SAMD4A: variants seen among roughly 807,000 people sequenced by gnomAD.
SAMD4A encodes protein Smaug homolog 1.
A neutral mutation model predicts 81.3 loss-of-function variants in SAMD4A; 33 were observed. That is an observed-to-expected ratio of 0.41 (90% CI 0.31 to 0.54). The LOEUF (loss-of-function observed/expected upper bound fraction) is 0.54, where lower values mean the gene tolerates loss of function less well. Among genes scored for constraint, SAMD4A ranks in the 20% least tolerant of loss-of-function variants. The probability of loss-of-function intolerance (pLI) is 0.37; values close to 1 mark genes in which losing one functional copy is unlikely to be tolerated. For synonymous variants in SAMD4A, 389 were observed against 382.1 expected (o/e 1.02, Z -0.21); for missense variants, 854 against 951.1 (o/e 0.90, Z 1.34).
chr14:54,597,164 G>C (rs1341781358), intron 2 of SAMD4A, among the ~76,000 whole-genome samples: 1 of 151,566 alleles, frequency 6.6e-6, no homozygotes. Context: ...TTCCTATGTG[G>C]GTACAATCTG....
intron 11 of SAMD4A, among the ~76,000 whole-genome samples, chr14:54,780,657 G>T (rs529979255): frequency 6.6e-5 from 10 of 152,258 alleles, no homozygotes; most frequent in African/African-American, 2.2e-4. Flanking sequence ...ACCCAGCTGG[G>T]CCCACAGCCT....
chr14:54,699,728 TA>T (rs2036664578), intron 2 of SAMD4A, among the ~76,000 whole-genome samples: 1 of 152,224 alleles, frequency 6.6e-6, no homozygotes, highest in South Asian at 2.1e-4. Context: ...TAGAATACCA[TA>T]TATGGCTTAT....
chr14:54,727,858 A>G (rs1594866407), intron 3 of SAMD4A, among the ~76,000 whole-genome samples: 1 of 152,342 alleles, frequency 6.6e-6, no homozygotes, highest in East Asian at 1.9e-4. Context: ...CCTAGTTTGT[A>G]TAACAGGTGA....
chr14:54,593,995 A>T (rs540796414), intron 2 of SAMD4A, among the ~76,000 whole-genome samples: 2 of 152,350 alleles, frequency 1.3e-5, no homozygotes, highest in South Asian at 4.1e-4. Context: ...AGACCAGATC[A>T]TATACAGGAA....
chr14:54,621,913 T>G (rs1594744736), intron 2 of SAMD4A, among the ~76,000 whole-genome samples: 1 of 152,164 alleles, frequency 6.6e-6, no homozygotes, highest in African/African-American at 2.4e-5. Context: ...AAACAACTCA[T>G]CTTTTAAAAA....
At chr14:54,707,294 G>A (rs534700604) in intron 3 of SAMD4A, among the ~76,000 whole-genome samples, 8 of 151,970 alleles carry the variant, frequency 5.3e-5, no homozygotes, top group Non-Finnish European at 1.0e-4. Context: ...TGTGGAGACA[G>A]GGTCTCCCTG....
chr14:54,695,604 A>G (rs1017032995), intron 2 of SAMD4A, among the ~76,000 whole-genome samples: 1 of 152,240 alleles, frequency 6.6e-6, no homozygotes, highest in African/African-American at 2.4e-5. Context: ...GAATACCAGT[A>G]GTCTAGGATC....
At chr14:54,746,932 G>A (rs1019816404) in intron 4 of SAMD4A, among the ~76,000 whole-genome samples, 1 of 152,218 alleles carries the variant, frequency 6.6e-6, no homozygotes, top group Non-Finnish European at 1.5e-5. Context: ...AATCAGTGCC[G>A]CTCACTCTGC....
intron 2 of SAMD4A, among the ~76,000 whole-genome samples, chr14:54,677,890 T>A (rs1173148011): frequency 6.6e-6 from 1 of 152,232 alleles, no homozygotes; most frequent in African/African-American, 2.4e-5. Context: ...TCTGAATCCT[T>A]TCTAAATAGC....
intron 2 of SAMD4A, chr14:54,682,091 T>A: frequency 1.0e-6 from 1 of 978,370 alleles, no homozygotes. Flanking sequence ...CTCAGGAATC[T>A]CCGGATCCCT....
intron 2 of SAMD4A, among the ~76,000 whole-genome samples, chr14:54,692,209 A>G (rs1313215327): frequency 6.6e-6 from 1 of 152,238 alleles, no homozygotes; most frequent in East Asian, 1.9e-4. Flanking sequence ...ATGTAAAGAT[A>G]TAGAATGGCT....
intron 2 of SAMD4A, among the ~76,000 whole-genome samples, chr14:54,597,331 A>G (rs1403664712): frequency 4.7e-5 from 7 of 149,362 alleles, no homozygotes; most frequent in Non-Finnish European, 1.0e-4. Context: ...CTGGAGTGCA[A>G]TGGCATGATC....
chr14:54,762,715 A>G (rs1314681980), intron 7 of SAMD4A, among the ~76,000 whole-genome samples: 1 of 152,154 alleles, frequency 6.6e-6, no homozygotes, highest in African/African-American at 2.4e-5. Context: ...TACACAATTC[A>G]AATTAACAAC....
chr14:54,778,098 C>G (rs1219920679), intron 11 of SAMD4A, among the ~76,000 whole-genome samples: 1 of 152,182 alleles, frequency 6.6e-6, no homozygotes, highest in Non-Finnish European at 1.5e-5. Flanking sequence ...TCACCCTGGC[C>G]TCAGTCTCAC....
chr14:54,689,570 GC>G (rs1474152394), intron 2 of SAMD4A: 1 of 152,170 alleles, frequency 6.6e-6, no homozygotes, highest in African/African-American at 2.4e-5. Context: ...AGACAACATG[GC>G]TAGCATCTGT....
rs564634111 is a variant in SAMD4A at position 54,745,958 on chromosome 14, T to C, written c.980-2857T>C. Among the ~76,000 whole-genome samples the C allele has an allele frequency of 2.1e-3, 313 of 152,342 alleles. 3 individuals are homozygous for C. Among genetic ancestry groups the C allele is most frequent in the African/African-American group, 7.0e-3 (289 of 41,574 alleles). On this transcript the variant is annotated intron_variant, in intron 4 of 12. Coordinates refer to ENST00000554335, the MANE Select transcript of SAMD4A (RefSeq NM_015589.6). Reference sequence around the variant, plus strand: ...ATGGGAAGTTACAGTAGGTGGTTCTTAGCATTGCATCCAACAATGTGGCAT... The same window carrying C: ...ATGGGAAGTTACAGTAGGTGGTTCTCAGCATTGCATCCAACAATGTGGCAT...
chr14:54,685,899 G>A (rs1477316926), intron 2 of SAMD4A: 2 of 455,658 alleles, frequency 4.4e-6, no homozygotes, highest in Non-Finnish European at 8.8e-6. Context: ...GAGGGAATTG[G>A]GATGTTAAAT....
chr14:54,792,145 T>C lies in SAMD4A; in HGVS notation c.*3201T>C, dbSNP rs2039269207. The stretch of plus-strand genomic sequence containing the variant: ...AAGACATGAAACATTGCTGCTGATA[T>C]GTTGTTTTTTCACATGCTTTTGAGT... On this transcript the variant is annotated 3_prime_UTR_variant, in exon 13 of 13. Coordinates refer to ENST00000554335, the MANE Select transcript of SAMD4A (RefSeq NM_015589.6). 6.6e-6 allele frequency: 1 copy of C among 152,208 alleles called. No individual in the cohort carries two copies. The highest frequency in any genetic ancestry group is 1.5e-5 in the Non-Finnish European group (1 of 68,038). The allele number at this position is 152,208 out of a possible 1,614,324, so 9.4% of individuals were successfully genotyped here.
intron 12 of SAMD4A, among the ~76,000 whole-genome samples, chr14:54,786,556 G>C (rs2039146179): frequency 6.6e-6 from 1 of 152,204 alleles, no homozygotes; most frequent in Admixed American, 6.5e-5. Flanking sequence ...CTCTGACATG[G>C]GGAGGGAAGC....
Sources: gnomAD v4.1 joint callset for allele counts (sites outside exome capture counted in the v4.1 genomes callset) on GRCh38, gnomAD v4.1.1 for gene constraint, MANE v1.5 for transcripts, NCBI Gene and HGNC (gene_info 2026-07-23, HGNC 2026-07-21) for gene names.